Variants in CLVS1 observed in about 807,000 individuals in gnomAD.
CLVS1 encodes clavesin 1.
A neutral mutation model predicts 33.1 loss-of-function variants in CLVS1; 10 were observed. The observed-to-expected ratio is 0.30, with a 90% CI of 0.19 to 0.51. CLVS1 has a LOEUF of 0.51. CLVS1 is among the 20% of genes least tolerant of loss of function. CLVS1 has a pLI of 0.97. For missense variants in CLVS1, 343 were observed against 433.4 expected, an observed-to-expected ratio of 0.79 and a Z score of 1.85; for synonymous variants, 163 against 166.1, an observed-to-expected ratio of 0.98 and a Z score of 0.14.
chr8:61,054,028 C>T (rs1396180837), upstream of CLVS1, among the ~76,000 whole-genome samples: 2 of 152,244 alleles, frequency 1.3e-5, no homozygotes, highest in African/African-American at 4.8e-5. Context: ...TCAATCTCCT[C>T]TCTCTTTCAT....
chr8:61,353,155 G>A (rs990791881), intron 2 of CLVS1, among the ~76,000 whole-genome samples: 1 of 152,014 alleles, frequency 6.6e-6, no homozygotes, highest in African/African-American at 2.4e-5. Context: ...GCAACTGATA[G>A]AACTTAGACA....
At chr8:61,276,282 C>G (rs1167757848) in intron 2 of CLVS1, among the ~76,000 whole-genome samples, 1 of 152,216 alleles carries the variant, frequency 6.6e-6, no homozygotes, top group East Asian at 1.9e-4. Flanking sequence ...TCAATTTCTT[C>G]CCTTCCCTTC....
At chr8:61,332,449 T>G (rs1811633958) in intron 2 of CLVS1, among the ~76,000 whole-genome samples, 1 of 152,178 alleles carries the variant, frequency 6.6e-6, no homozygotes, top group Non-Finnish European at 1.5e-5. Flanking sequence ...ACTTGCTTTT[T>G]GCTGGCTTAC....
chr8:61,119,155 T>A (rs1461302340), intron 1 of CLVS1, among the ~76,000 whole-genome samples: 1 of 152,232 alleles, frequency 6.6e-6, no homozygotes, highest in Admixed American at 6.5e-5. Context: ...TTGATCTTTG[T>A]TGGTTTAAAG....
intron 2 of CLVS1, among the ~76,000 whole-genome samples, chr8:61,212,397 G>C (rs1017557411): frequency 2.4e-4 from 36 of 152,358 alleles, no homozygotes; most frequent in East Asian, 5.8e-4. Context: ...AGAAACCCCA[G>C]ATGCCTCAGC....
chr8:61,247,480 A>T (rs2165275), intron 2 of CLVS1, among the ~76,000 whole-genome samples: 3 of 152,028 alleles, frequency 2.0e-5, no homozygotes. Context: ...TGACTTTTTA[A>T]TAATAGCCGT....
chr8:61,364,533 T>A (rs1250698013), intron 2 of CLVS1, among the ~76,000 whole-genome samples: 2 of 152,250 alleles, frequency 1.3e-5, no homozygotes, highest in African/African-American at 4.8e-5. Context: ...TTCCTTTTAA[T>A]ATTTCATGAA....
intron 2 of CLVS1, among the ~76,000 whole-genome samples, chr8:61,178,151 A>G (rs1045420284): frequency 1.3e-5 from 2 of 152,232 alleles, no homozygotes; most frequent in Admixed American, 6.5e-5. Context: ...AGAGGAACAT[A>G]AATGACCTCA....
At chr8:61,037,105 C>T in the CLVS1 span, among the ~76,000 whole-genome samples, 1,229 of 152,252 alleles carry the variant, frequency 8.1e-3, 12 homozygotes, top group Middle Eastern at 0.017. Context: ...CATTCATTTG[C>T]GTGGTAATTA....
intron 5 of CLVS1, among the ~76,000 whole-genome samples, chr8:61,467,053 C>A (rs73259348): frequency 0.23 from 34,554 of 152,126 alleles, 6,339 homozygotes; most frequent in African/African-American, 0.51. Flanking sequence ...ATATATGTAT[C>A]TGTATGTATA....
At chr8:60,996,641 G>A in the CLVS1 span, among the ~76,000 whole-genome samples, 2 of 152,122 alleles carry the variant, frequency 1.3e-5, no homozygotes, top group South Asian at 2.1e-4. Flanking sequence ...AGGTTCCCAG[G>A]TGACGAATGC....
Position 61,458,315 on chromosome 8 carries a change from G to T in CLVS1, c.750G>T (p.Leu250=). The part of the protein sequence containing the change: ...LKDKTRKRIF[L]HGNNLNSLHQ... ...TTTTGTTTTCTTTACAGATTTTCCT[G>T]CATGGAAACAATTTAAACAGCCTTC... The change falls in exon 5 of 6, where the codon CTG becomes CTT. Residue 250 remains leucine (L), a synonymous_variant. Coordinates refer to ENST00000325897, the MANE Select transcript of CLVS1 (RefSeq NM_173519.3). The T allele has an allele frequency of 6.2e-7, 1 of 1,609,560 alleles. No homozygotes were observed. Among genetic ancestry groups the T allele is most frequent in the Non-Finnish European group, 8.5e-7 (1 of 1,178,164 alleles).
chr8:61,037,385 T>C, the CLVS1 span, among the ~76,000 whole-genome samples: 11 of 152,328 alleles, frequency 7.2e-5, no homozygotes, highest in African/African-American at 2.4e-4. Flanking sequence ...TCATACATTA[T>C]TCATCATTTG....
At chr8:61,353,489 T>A (rs911097668) in intron 2 of CLVS1, among the ~76,000 whole-genome samples, 2 of 151,838 alleles carry the variant, frequency 1.3e-5, no homozygotes, top group Admixed American at 1.3e-4. Context: ...TACTTCTAAA[T>A]GATTTATAGA....
At chr8:61,401,248 T>C (rs760019575) in intron 3 of CLVS1, among the ~76,000 whole-genome samples, 8 of 151,874 alleles carry the variant, frequency 5.3e-5, no homozygotes, top group Non-Finnish European at 1.0e-4. Flanking sequence ...TCTTTCCCAA[T>C]CTGGATACAT....
chr8:61,122,798 A>G (rs962689427), intron 1 of CLVS1, among the ~76,000 whole-genome samples: 1 of 146,118 alleles, frequency 6.8e-6, no homozygotes, highest in Admixed American at 7.3e-5. Flanking sequence ...ACCAGCTTCA[A>G]TCCTTTCCCA....
intron 2 of CLVS1, among the ~76,000 whole-genome samples, chr8:61,136,980 T>A (rs1055225433): frequency 1.3e-5 from 2 of 152,278 alleles, no homozygotes; most frequent in South Asian, 4.1e-4. Context: ...TGGAAGAGAA[T>A]GTGATCAATG....
intron 3 of CLVS1, among the ~76,000 whole-genome samples, chr8:61,416,305 G>GATACATAC (rs61146034): frequency 2.0e-4 from 21 of 107,258 alleles, no homozygotes; most frequent in African/African-American, 6.7e-4. Context: ...TAGCTAGCTA[G>GATACATAC]ATACATACAT....
intron 2 of CLVS1, among the ~76,000 whole-genome samples, chr8:61,236,108 G>A (rs1432068436): frequency 6.6e-6 from 1 of 152,160 alleles, no homozygotes; most frequent in Non-Finnish European, 1.5e-5. Context: ...CTGTGCCATA[G>A]ATTCTGAGGC....
Sources: gnomAD v4.1 joint callset for allele counts (sites outside exome capture counted in the v4.1 genomes callset) on GRCh38, gnomAD v4.1.1 for gene constraint, MANE v1.5 for transcripts, NCBI Gene and HGNC (gene_info 2026-07-23, HGNC 2026-07-21) for gene names.